Variants in PLCXD3 observed in about 807,000 individuals in gnomAD.
PLCXD3 encodes the protein phosphatidylinositol specific phospholipase C X domain containing 3, also known as PI-PLC X domain-containing protein 3.
A neutral mutation model predicts 25.5 loss-of-function variants in PLCXD3; 19 were observed. That is an observed-to-expected ratio of 0.75 (90% CI 0.52 to 1.09). The LOEUF is 1.09. PLCXD3 is among the 50% of genes least tolerant of loss of function. The pLI is 0.00. For missense variants in PLCXD3, 411 were observed against 388.1 expected (o/e 1.06, Z -0.50); for synonymous variants, 174 against 137.6 (o/e 1.26, Z -1.85).
At chr5:41,493,780 C>A (rs1428241336) in intron 1 of PLCXD3, among the ~76,000 whole-genome samples, 1 of 152,166 alleles carries the variant, frequency 6.6e-6, no homozygotes, top group African/African-American at 2.4e-5. Flanking sequence ...GTTTTTTAAG[C>A]CCGTCGGAAA....
chr5:41,453,497 T>C (rs1306284409), intron 1 of PLCXD3, among the ~76,000 whole-genome samples: 1 of 151,908 alleles, frequency 6.6e-6, no homozygotes, highest in Non-Finnish European at 1.5e-5. Flanking sequence ...CAGATGTGAG[T>C]TCAAATCCTG....
intron 1 of PLCXD3, among the ~76,000 whole-genome samples, chr5:41,490,784 C>T (rs1748649525): frequency 6.6e-6 from 1 of 151,928 alleles, no homozygotes; most frequent in Admixed American, 6.6e-5. Context: ...GGTGATATCC[C>T]CTTTGTCATT....
intron 1 of PLCXD3, among the ~76,000 whole-genome samples, chr5:41,459,471 C>T (rs1359058686): frequency 6.6e-6 from 1 of 151,792 alleles, no homozygotes; most frequent in Non-Finnish European, 1.5e-5. Flanking sequence ...CATTATGGGT[C>T]CAGCCTAATC....
chr5:41,376,196 G>A (rs1008543761), intron 2 of PLCXD3, among the ~76,000 whole-genome samples: 1 of 152,050 alleles, frequency 6.6e-6, no homozygotes, highest in East Asian at 1.9e-4. Context: ...CAACTCCAAG[G>A]GATGTCATCC....
At position 41,387,311 on chromosome 5, in the gene PLCXD3, A is replaced by G. The variant is rs76617774; in HGVS notation, c.104-4777T>C. Among the ~76,000 whole-genome samples the G allele has an allele frequency of 1.6e-3, 248 of 152,224 alleles. 1 individual carries two copies. Among genetic ancestry groups the G allele is most frequent in the Non-Finnish European group, 2.6e-3 (179 of 68,004 alleles). ...GGTCAGCACTCTGATTTCTGATTCTAGCATGATCCTGAGCAGAGGATCCAG... is the reference window on the plus strand; with the variant it reads ...GGTCAGCACTCTGATTTCTGATTCTGGCATGATCCTGAGCAGAGGATCCAG... On this transcript the variant is annotated intron_variant, in intron 1 of 2. Transcript: ENST00000377801.
At chr5:41,384,192 A>C (rs1745568619) in intron 1 of PLCXD3, among the ~76,000 whole-genome samples, 1 of 152,142 alleles carries the variant, frequency 6.6e-6, no homozygotes, top group Admixed American at 6.6e-5. Context: ...GTGTGGCAAG[A>C]AAATGTCAGT....
At chr5:41,496,770 G>A (rs188550481) in intron 1 of PLCXD3, among the ~76,000 whole-genome samples, 3 of 148,086 alleles carry the variant, frequency 2.0e-5, no homozygotes, top group Non-Finnish European at 3.0e-5. Flanking sequence ...TAATGGTAAA[G>A]ATAAATATAG....
chr5:41,480,270 C>A (rs566783401), intron 1 of PLCXD3, among the ~76,000 whole-genome samples: 4 of 152,166 alleles, frequency 2.6e-5, no homozygotes, highest in African/African-American at 4.8e-5. Context: ...GGTCAAGGAC[C>A]AATGAGTCAC....
intron 1 of PLCXD3, among the ~76,000 whole-genome samples, chr5:41,453,376 G>T (rs527250642): frequency 1.8e-4 from 26 of 148,246 alleles, no homozygotes; most frequent in Admixed American, 3.4e-4. Flanking sequence ...TTTAATGACC[G>T]CATGGCAATT....
chr5:41,333,232 G>T (rs1171329564), intron 2 of PLCXD3, among the ~76,000 whole-genome samples: 1 of 152,044 alleles, frequency 6.6e-6, no homozygotes, highest in Admixed American at 6.6e-5. Flanking sequence ...TTAAAATAAT[G>T]ATCATGGATC....
At chr5:41,400,303 G>T (rs1746140712) in intron 1 of PLCXD3, among the ~76,000 whole-genome samples, 1 of 152,004 alleles carries the variant, frequency 6.6e-6, no homozygotes. Context: ...CCTAGAAATA[G>T]AGCTACCATA....
At chr5:41,462,311 T>C (rs1470108174) in intron 1 of PLCXD3, among the ~76,000 whole-genome samples, 1 of 152,010 alleles carries the variant, frequency 6.6e-6, no homozygotes, top group Non-Finnish European at 1.5e-5. Context: ...AAAGGTCAGA[T>C]TCTGCTGCAG....
intron 2 of PLCXD3, among the ~76,000 whole-genome samples, chr5:41,350,295 T>C (rs895344459): frequency 2.6e-5 from 4 of 152,110 alleles, no homozygotes; most frequent in Non-Finnish European, 2.9e-5. Context: ...GTCCTCAGAG[T>C]TCTATTTGCT....
intron 1 of PLCXD3, among the ~76,000 whole-genome samples, chr5:41,410,870 G>A (rs1746497609): frequency 6.6e-6 from 1 of 152,182 alleles, no homozygotes; most frequent in African/African-American, 2.4e-5. Flanking sequence ...AATTGTATAA[G>A]ACGTTGATAT....
At chr5:41,333,120 GAC>G (rs906890133) in intron 2 of PLCXD3, among the ~76,000 whole-genome samples, 2 of 150,196 alleles carry the variant, frequency 1.3e-5, no homozygotes, top group Non-Finnish European at 3.0e-5. Flanking sequence ...TAAAATAAAA[GAC>G]AAAAACAAAC....
chr5:41,440,636 T>A (rs1176239847), intron 1 of PLCXD3, among the ~76,000 whole-genome samples: 2 of 152,196 alleles, frequency 1.3e-5, no homozygotes, highest in South Asian at 4.1e-4. Flanking sequence ...TATGTATATA[T>A]GTACATAGAG....
At chr5:41,335,534 G>T (rs1743954427) in intron 2 of PLCXD3, among the ~76,000 whole-genome samples, 1 of 152,102 alleles carries the variant, frequency 6.6e-6, no homozygotes, top group Non-Finnish European at 1.5e-5. Flanking sequence ...TATTCTGTGT[G>T]TCTTTAATTT....
intron 1 of PLCXD3, among the ~76,000 whole-genome samples, chr5:41,456,942 T>C (rs1438104446): frequency 6.6e-6 from 1 of 151,878 alleles, no homozygotes; most frequent in East Asian, 1.9e-4. Flanking sequence ...ACCAAGACCA[T>C]TAAGAAAGAT....
chr5:41,372,130 T>G (rs1745113569), intron 2 of PLCXD3, among the ~76,000 whole-genome samples: 1 of 152,102 alleles, frequency 6.6e-6, no homozygotes, highest in Non-Finnish European at 1.5e-5. Context: ...CTATACATAC[T>G]AGTTATATTT....
Sources: gnomAD v4.1 joint callset for allele counts (sites outside exome capture counted in the v4.1 genomes callset) on GRCh38, gnomAD v4.1.1 for gene constraint, MANE v1.5 for transcripts, NCBI Gene and HGNC (gene_info 2026-07-23, HGNC 2026-07-21) for gene names.